IP6K3: variants seen among roughly 807,000 people sequenced by gnomAD.
The protein encoded by IP6K3 is ATP:1D-myo-inositol-hexakisphosphate phosphotransferase.
Under a neutral mutation model 28.8 loss-of-function variants are expected in IP6K3, and 20 were observed. The ratio of observed to expected loss-of-function variants is 0.70; its 90% CI spans 0.49 to 1.01. The LOEUF is 1.01. IP6K3 is among the 50% of genes least tolerant of loss of function. The pLI is 0.00. For synonymous variants in IP6K3, 213 were observed against 221.3 expected (o/e 0.96, Z 0.33); for missense variants, 480 against 537.1 (o/e 0.89, Z 1.05).
At chr6:33,738,071 A>T (rs1217275411) in intron 1 of IP6K3, among the ~76,000 whole-genome samples, 1 of 152,270 alleles carries the variant, frequency 6.6e-6, no homozygotes, top group African/African-American at 2.4e-5. Flanking sequence ...GGCAAGAAGG[A>T]GTAGAGCAGA....
At chr6:33,743,622 C>A (rs1766805650) in intron 1 of IP6K3, among the ~76,000 whole-genome samples, 1 of 152,158 alleles carries the variant, frequency 6.6e-6, no homozygotes, top group African/African-American at 2.4e-5. Context: ...CTAAAAATGA[C>A]TCAAGGGCTG....
chr6:33,730,079 C>G (rs1469564924), intron 2 of IP6K3, among the ~76,000 whole-genome samples: 2 of 152,156 alleles, frequency 1.3e-5, no homozygotes, highest in Non-Finnish European at 2.9e-5. Context: ...TTCTGCTGGG[C>G]CCTGACCGAA....
At position 33,726,267 on chromosome 6, in the gene IP6K3, C is replaced by T. The variant is rs369937903; in HGVS notation, c.589+464G>A. On this transcript the variant is annotated intron_variant, in intron 4 of 5. Coordinates refer to ENST00000293756, the MANE Select transcript of IP6K3 (RefSeq NM_054111.5). ...GGGTGCTCCACTAAGGGAGGAGCCA[C>T]ACTTCCCTCTCACTGTGTGGGCCCC... Among the ~76,000 whole-genome samples, 8 of 152,324 alleles carry T rather than the reference C, an allele frequency of 5.3e-5. No homozygotes were observed. The East Asian group carries it at 1.5e-3, about 29-fold the overall frequency.
At chr6:33,759,212 G>A in the IP6K3 span, among the ~76,000 whole-genome samples, 6 of 152,340 alleles carry the variant, frequency 3.9e-5, no homozygotes, top group African/African-American at 1.2e-4. Flanking sequence ...TGGGGCTGGG[G>A]AAGGGACAGA....
upstream of IP6K3, among the ~76,000 whole-genome samples, chr6:33,751,562 A>G (rs973068882): frequency 2.0e-5 from 3 of 147,444 alleles, no homozygotes; most frequent in Non-Finnish European, 4.5e-5. This position sits in a 1 kb window ranked among gnomAD's most constrained non-coding sequence, Gnocchi z 4.3. Context: ...CACCATGCCC[A>G]CCCTATGGCC....
At chr6:33,755,627 G>A in the IP6K3 span, among the ~76,000 whole-genome samples, 2 of 152,204 alleles carry the variant, frequency 1.3e-5, no homozygotes, top group Admixed American at 1.3e-4. Context: ...GCAGCTCCAG[G>A]CCTGTTTCTT....
intron 2 of IP6K3, among the ~76,000 whole-genome samples, chr6:33,733,095 G>C (rs1766373895): frequency 6.6e-6 from 1 of 152,240 alleles, no homozygotes; most frequent in South Asian, 2.1e-4. Context: ...AGGCAGAGTA[G>C]GTGGCCGGCT....
At chr6:33,737,973 CT>C (rs1561908200) in intron 1 of IP6K3, among the ~76,000 whole-genome samples, 1 of 152,226 alleles carries the variant, frequency 6.6e-6, no homozygotes, top group Non-Finnish European at 1.5e-5. Flanking sequence ...ACAAAAAAAG[CT>C]GATAACTTCA....
chr6:33,731,649 C>T (rs183546893), intron 2 of IP6K3, among the ~76,000 whole-genome samples: 1 of 152,324 alleles, frequency 6.6e-6, no homozygotes, highest in Non-Finnish European at 1.5e-5. Context: ...CAGCCCTTCC[C>T]TCTGAAGTCG....
Position 33,742,270 on chromosome 6 carries a change from G to A in IP6K3, c.-180+4488C>T, listed in dbSNP as rs772642396. 5.9e-5 allele frequency among the ~76,000 whole-genome samples: 9 copies of A among 152,132 alleles called. No homozygotes were observed. Among genetic ancestry groups the A allele is most frequent in the Non-Finnish European group, 1.0e-4 (7 of 68,020 alleles). On this transcript the variant is annotated intron_variant, in intron 1 of 5. Transcript: ENST00000293756. The surrounding 1 kb of genome is among the most constrained non-coding windows in gnomAD (Gnocchi z 4.5). ...CTGACCACGTGCAGTCTGCTTGGACGGGGAGTGGCTGCTGAGTTGCTCTGG... is the reference window on the plus strand; with the variant it reads ...CTGACCACGTGCAGTCTGCTTGGACAGGGAGTGGCTGCTGAGTTGCTCTGG...
At chr6:33,754,537 C>T in the IP6K3 span, among the ~76,000 whole-genome samples, 1 of 152,188 alleles carries the variant, frequency 6.6e-6, no homozygotes, top group East Asian at 1.9e-4. Flanking sequence ...CCATTACTGT[C>T]GGCCCTGGTT....
chr6:33,731,658 C>T (rs974408960), intron 2 of IP6K3, among the ~76,000 whole-genome samples: 2 of 152,106 alleles, frequency 1.3e-5, no homozygotes, highest in South Asian at 2.1e-4. Context: ...CCTCTGAAGT[C>T]GGGGACCCCA....
In IP6K3 at chr6:33,744,773, AG is replaced by A. The variant is rs1303566985; in HGVS notation, c.-180+1984del. 6.6e-6 allele frequency among the ~76,000 whole-genome samples: 1 copy of A among 152,186 alleles called. No individual in the cohort carries two copies. The highest frequency in any genetic ancestry group is 1.5e-5 in the Non-Finnish European group (1 of 68,034). On this transcript the variant is annotated intron_variant, in intron 1 of 5. Coordinates refer to ENST00000293756, the MANE Select transcript of IP6K3 (RefSeq NM_054111.5). The surrounding 1 kb of genome is among the most constrained non-coding windows in gnomAD (Gnocchi z 4.4). ...CTCCACCAGGCAGATGTTTTTGAAAAGCTCAGAAGCCATCATTGAGGTTGGA... is the reference window on the plus strand; with the variant it reads ...CTCCACCAGGCAGATGTTTTTGAAAACTCAGAAGCCATCATTGAGGTTGGA...
chr6:33,736,288 T>C (rs1405109613), intron 1 of IP6K3, among the ~76,000 whole-genome samples: 1 of 152,234 alleles, frequency 6.6e-6, no homozygotes, highest in African/African-American at 2.4e-5. Context: ...ACATGTTGCC[T>C]GCCTTCATCT....
In IP6K3 at chr6:33,728,327, G is replaced by T. The variant is rs1375798075; in HGVS notation, c.200-27C>A. On this transcript the variant is annotated intron_variant, in intron 2 of 5. Coordinates refer to ENST00000293756, the MANE Select transcript of IP6K3 (RefSeq NM_054111.5). ...TGCAAACACACAGGGAAGGGGAGGG[G>T]AGGAGCCAGTTGAGAGAGCCTCCAC... is the stretch of plus-strand genomic sequence containing the variant. The T allele has an allele frequency of 2.5e-6, 4 of 1,608,576 alleles. No individual in the cohort carries two copies. The African/African-American group carries it at 5.3e-5, about 22-fold the overall frequency.
intron 4 of IP6K3, 101 bp from the exon 5 acceptor site, chr6:33,725,717 T>A (rs1369371746): frequency 9.5e-7 from 1 of 1,051,548 alleles, no homozygotes; most frequent in Admixed American, 2.2e-5. Context: ...TTCCCTATTC[T>A]GGGCACCATT....
chr6:33,760,990 T>C, the IP6K3 span, among the ~76,000 whole-genome samples: 1 of 152,172 alleles, frequency 6.6e-6, no homozygotes, highest in African/African-American at 2.4e-5. Flanking sequence ...TAGGTGAGAC[T>C]CTGAGAGGTT....
rs370657692 is a variant in IP6K3 at position 33,722,964 on chromosome 6, T to C, written c.989A>G (p.Tyr330Cys). ...TCTTTCTGGTGGTTCCTGCCCATCA[T>C]AGATGACAAGGAGAGAGCTGGAATA... is the stretch of plus-strand genomic sequence containing the variant. ...RFYSSSLLVI[Y>C]DGQEPPERAP... Residue 330 changes from tyrosine to cysteine, a missense_variant, in exon 6 of 6, where the codon TAT (tyrosine) becomes TGT (cysteine). Transcript: ENST00000293756. 4.0e-5 allele frequency: 65 copies of C among 1,613,776 alleles called. No individual in the cohort carries two copies. The highest frequency in any genetic ancestry group is 5.3e-5 in the African/African-American group (4 of 74,844).
the IP6K3 span, among the ~76,000 whole-genome samples, chr6:33,758,295 A>C: frequency 4.5e-4 from 69 of 152,262 alleles, 1 homozygote; most frequent in East Asian, 6.9e-3. Context: ...TGGGAGGGTC[A>C]CTTGAGCCCA....
Sources: allele counts gnomAD v4.1 joint callset (sites outside exome capture counted in the v4.1 genomes callset), GRCh38; gene constraint gnomAD v4.1.1; non-coding constraint Gnocchi (gnomAD v3.1); transcripts MANE v1.5; gene names NCBI Gene and HGNC (gene_info 2026-07-23, HGNC 2026-07-21).